TASP1: variants seen among roughly 807,000 people sequenced by gnomAD.
TASP1 encodes threonine aspartase 1.
A neutral mutation model predicts 56.6 loss-of-function variants in TASP1; 16 were observed. The observed-to-expected ratio is 0.28, with a 90% CI of 0.19 to 0.43. The LOEUF (loss-of-function observed/expected upper bound fraction) is 0.43. Ranked by LOEUF, TASP1 falls within the 20% of genes least tolerant of loss-of-function variation. TASP1 has a pLI of 1.00. For synonymous variants in TASP1, 179 were observed against 184.2 expected (o/e 0.97, Z 0.23); for missense variants, 393 against 511.6 (o/e 0.77, Z 2.24).
At chr20:13,173,293 C>A in the TASP1 span, among the ~76,000 whole-genome samples, 1 of 152,220 alleles carries the variant, frequency 6.6e-6, no homozygotes, top group Non-Finnish European at 1.5e-5. Context: ...TGCTCCAACA[C>A]CAACTTCATT....
At chr20:13,378,525 T>C in the TASP1 span, among the ~76,000 whole-genome samples, 1 of 152,178 alleles carries the variant, frequency 6.6e-6, no homozygotes, top group Non-Finnish European at 1.5e-5. Context: ...AAGTGTGATG[T>C]GATGTTGCGA....
chr20:13,244,717 G>A, the TASP1 span, among the ~76,000 whole-genome samples: 1 of 152,146 alleles, frequency 6.6e-6, no homozygotes, highest in Admixed American at 6.5e-5. Flanking sequence ...TTTCTATTGA[G>A]AAGACATGTC....
rs1315239776 is a variant in TASP1 at position 13,422,051 on chromosome 20, A to C, written c.1097-4530T>G. 2.8e-5 allele frequency among the ~76,000 whole-genome samples: 4 copies of C among 145,040 alleles called. No individual in the cohort carries two copies. In the South Asian group the frequency reaches 8.6e-4, roughly 31 times the overall value. Reference sequence around the variant, plus strand: ...ACTGCAAGCTCTGCCTCCCGGGTTCACGCCATTCTCCTGCCTCAGCCTCCC... The same window carrying C: ...ACTGCAAGCTCTGCCTCCCGGGTTCCCGCCATTCTCCTGCCTCAGCCTCCC... On this transcript the variant is annotated intron_variant, in intron 12 of 13. Coordinates refer to ENST00000337743, the MANE Select transcript of TASP1 (RefSeq NM_017714.3).
the TASP1 span, chr20:13,164,772 G>T: frequency 6.2e-7 from 1 of 1,613,634 alleles, no homozygotes. Context: ...AGCTCTTGAT[G>T]AAATGGGTGA....
chr20:13,121,847 CTTAA>C, the TASP1 span, among the ~76,000 whole-genome samples: 1 of 152,124 alleles, frequency 6.6e-6, no homozygotes, highest in East Asian at 1.9e-4. Flanking sequence ...GCAAGATAGT[CTTAA>C]CATTAAAAAG....
chr20:13,519,915 T>C (rs565382183), intron 10 of TASP1, among the ~76,000 whole-genome samples: 2 of 152,314 alleles, frequency 1.3e-5, no homozygotes, highest in African/African-American at 4.8e-5. Flanking sequence ...GTAGGCAACT[T>C]CAGCAAAGTC....
intron 6 of TASP1, among the ~76,000 whole-genome samples, chr20:13,576,405 T>C (rs1279230511): frequency 6.9e-6 from 1 of 144,962 alleles, no homozygotes; most frequent in African/African-American, 2.6e-5. Flanking sequence ...AAGTCAGTCT[T>C]ATGGAATCTA....
the TASP1 span, among the ~76,000 whole-genome samples, chr20:13,314,661 G>C: frequency 6.6e-6 from 1 of 152,058 alleles, no homozygotes; most frequent in Middle Eastern, 3.2e-3. Context: ...AATGATAAAG[G>C]TCAGAAACTC....
chr20:13,482,467 T>C (rs1434201868), intron 11 of TASP1, among the ~76,000 whole-genome samples: 1 of 152,204 alleles, frequency 6.6e-6, no homozygotes, highest in Non-Finnish European at 1.5e-5. Context: ...TTGATAGGGA[T>C]TGCATTGAAT....
chr20:13,437,701 C>T (rs2043056371), intron 11 of TASP1, among the ~76,000 whole-genome samples: 1 of 152,140 alleles, frequency 6.6e-6, no homozygotes. Flanking sequence ...CACAAGCATT[C>T]TTATACACCA....
the TASP1 span, among the ~76,000 whole-genome samples, chr20:13,217,692 C>T: frequency 1.3e-5 from 2 of 152,178 alleles, no homozygotes; most frequent in African/African-American, 4.8e-5. Context: ...GGGGTATAAA[C>T]AAATACCAGA....
At chr20:13,524,846 C>T (rs1305321206) in intron 10 of TASP1, among the ~76,000 whole-genome samples, 1 of 152,002 alleles carries the variant, frequency 6.6e-6, no homozygotes, top group Non-Finnish European at 1.5e-5. Flanking sequence ...AGTTACGTGC[C>T]GTGTTGGAAC....
chr20:13,303,152 G>A, the TASP1 span, among the ~76,000 whole-genome samples: 1 of 152,190 alleles, frequency 6.6e-6, no homozygotes, highest in Admixed American at 6.5e-5. Flanking sequence ...CTTGGTAAAT[G>A]ACAGAGCTCC....
chr20:13,235,966 C>T, the TASP1 span, among the ~76,000 whole-genome samples: 1 of 150,948 alleles, frequency 6.6e-6, no homozygotes, highest in Non-Finnish European at 1.5e-5. Flanking sequence ...ATTGTGTCAC[C>T]CAGGCTGGAG....
At chr20:13,145,239 C>T in the TASP1 span, among the ~76,000 whole-genome samples, 5 of 152,110 alleles carry the variant, frequency 3.3e-5, no homozygotes, top group African/African-American at 7.2e-5. Context: ...TCTAGAAAAC[C>T]CCATAGTACT....
At chr20:13,564,555 T>C (rs1038788493) in intron 7 of TASP1, among the ~76,000 whole-genome samples, 1 of 150,852 alleles carries the variant, frequency 6.6e-6, no homozygotes, top group African/African-American at 2.5e-5. Flanking sequence ...ATCCCAATAG[T>C]GTTTTTTTTT....
At chr20:13,376,209 G>A in the TASP1 span, among the ~76,000 whole-genome samples, 1 of 152,116 alleles carries the variant, frequency 6.6e-6, no homozygotes, top group African/African-American at 2.4e-5. Flanking sequence ...ATGGTTTTAG[G>A]TCTTATGTTT....
At chr20:13,445,626 A>G (rs1396604967) in intron 11 of TASP1, among the ~76,000 whole-genome samples, 1 of 152,138 alleles carries the variant, frequency 6.6e-6, no homozygotes, top group Admixed American at 6.6e-5. Context: ...TTTCAGCCCT[A>G]GTTCCAGCAT....
intron 13 of TASP1, among the ~76,000 whole-genome samples, chr20:13,393,953 G>T (rs989511655): frequency 6.6e-6 from 1 of 152,078 alleles, no homozygotes; most frequent in African/African-American, 2.4e-5. Context: ...GCTGAAAAGT[G>T]AATCATACTA....
Sources: allele counts gnomAD v4.1 joint callset (sites outside exome capture counted in the v4.1 genomes callset), GRCh38; gene constraint gnomAD v4.1.1; transcripts MANE v1.5; gene names NCBI Gene and HGNC (gene_info 2026-07-23, HGNC 2026-07-21).